Variants in ABR observed in about 807,000 individuals in gnomAD.
The protein encoded by ABR is ABR activator of RhoGEF and GTPase, also known as active breakpoint cluster region-related protein.
Under a neutral mutation model 107.2 loss-of-function variants are expected in ABR, and 35 were observed. The observed-to-expected ratio is 0.33, with a 90% CI of 0.25 to 0.43. The LOEUF (loss-of-function observed/expected upper bound fraction) is 0.43. Ranked by LOEUF, ABR falls within the 20% of genes least tolerant of loss-of-function variation. ABR has a pLI of 1.00. For missense variants in ABR, 815 were observed against 1,115.2 expected (o/e 0.73, Z 3.83); for synonymous variants, 498 against 462.0 (o/e 1.08, Z -1.00).
intron 16 of ABR, among the ~76,000 whole-genome samples, chr17:1,044,961 C>T (rs762260399): frequency 6.6e-6 from 1 of 152,146 alleles, no homozygotes; most frequent in Non-Finnish European, 1.5e-5. Context: ...AACAAAGTAT[C>T]CAAAAAGGTG....
rs2069909751 is a variant in ABR at position 1,004,899 on chromosome 17, G to A, written c.*1181C>T. 2.5e-6 allele frequency: 1 copy of A among 397,648 alleles called. No homozygotes were observed. 24.6% of individuals were successfully genotyped at this position (397,648 alleles called of 1,614,324 possible). A position where few individuals can be genotyped will look rare whatever the true frequency, so the allele number is the denominator to read the frequency against. On this transcript the variant is annotated 3_prime_UTR_variant, in exon 23 of 23. Coordinates refer to ENST00000302538, the MANE Select transcript of ABR (RefSeq NM_021962.5). The stretch of plus-strand genomic sequence containing the variant: ...GACCGTGGCAGTGCTTGGCTGTGGA[G>A]TGTGTGTAAAATCTAAGGCAAGAGT...
rs1334780092 is a variant in ABR, at chr17:1,106,526, TC to T, written c.247-5792del. Among the ~76,000 whole-genome samples, 41 of 93,864 alleles carry T rather than the reference TC, an allele frequency of 4.4e-4. No individual in the cohort carries two copies. In the South Asian group the frequency reaches 8.6e-3, roughly 20 times the overall value. The allele number at this position is 93,864 out of a possible 152,430, so 61.6% of individuals were successfully genotyped here. A position where few individuals can be genotyped will look rare whatever the true frequency, so the allele number is the denominator to read the frequency against. On this transcript the variant is annotated intron_variant, in intron 2 of 22. Coordinates refer to ENST00000302538, the MANE Select transcript of ABR (RefSeq NM_021962.5). ...CCTTTTATCAGTACTCTTCTCACAG[TC>T]TTTTTTTTTTTTTTTTTTTTGAGAC...
chr17:1,146,296 C>CACACACACACACAT (rs3219520), intron 1 of ABR, among the ~76,000 whole-genome samples: 13 of 146,690 alleles, frequency 8.9e-5, no homozygotes, highest in African/African-American at 2.8e-4. Flanking sequence ...CACACACACA[C>CACACACACACACAT]ATCACATCCT....
intron 1 of ABR, among the ~76,000 whole-genome samples, chr17:1,145,658 C>G (rs2040496826): frequency 6.6e-6 from 1 of 152,162 alleles, no homozygotes; most frequent in Admixed American, 6.5e-5. Flanking sequence ...TAGGAAGAGG[C>G]AATTCAGAGA....
rs2070439988 is a variant in ABR, at chr17:1,010,504, T to C, written c.2236+225A>G. The C allele has an allele frequency of 1.0e-5, 6 of 585,444 alleles. No individual in the cohort carries two copies. Among genetic ancestry groups the C allele is most frequent in the African/African-American group, 1.9e-5 (1 of 53,476 alleles). The allele number at this position is 585,444 out of a possible 1,614,324, so 36.3% of individuals were successfully genotyped here. A position where few individuals can be genotyped will look rare whatever the true frequency, so the allele number is the denominator to read the frequency against. The stretch of plus-strand genomic sequence containing the variant: ...AATAGGAAGCAGAAGGGGCTGCCCA[T>C]GGGGACATCAGGGGCAAGAGGCAGG... On this transcript the variant is annotated intron_variant, in intron 20 of 22. Coordinates refer to ENST00000302538, the MANE Select transcript of ABR (RefSeq NM_021962.5). The surrounding 1 kb of genome is among the most constrained non-coding windows in gnomAD (Gnocchi z 4.1).
chr17:1,217,916 A>G (rs1407896122), intron 1 of ABR, among the ~76,000 whole-genome samples: 3 of 152,106 alleles, frequency 2.0e-5, no homozygotes, highest in African/African-American at 7.2e-5. Flanking sequence ...GCTGGTCTTG[A>G]ACTCCTGACC....
chr17:1,012,455 C>T (rs1477954498), intron 18 of ABR: 3 of 695,206 alleles, frequency 4.3e-6, no homozygotes, highest in Admixed American at 2.0e-5. Flanking sequence ...AGCAGACGAT[C>T]TGGGATCTCA....
Position 1,148,168 on chromosome 17 carries a change from C to T in ABR, c.62-22801G>A, listed in dbSNP as rs987768799. Among the ~76,000 whole-genome samples the T allele has an allele frequency of 1.3e-5, 2 of 152,204 alleles. No homozygotes were observed. Among genetic ancestry groups the T allele is most frequent in the African/African-American group, 2.4e-5 (1 of 41,452 alleles). On this transcript the variant is annotated intron_variant, in intron 1 of 22. Transcript: ENST00000302538. This position sits in a 1 kb window ranked among gnomAD's most constrained non-coding sequence, Gnocchi z 4.9. ...CCCGCATTCCTAAGAGCATTATTGA[C>T]ACTTGCCAAAAAACAGAAACACCTC...
chr17:1,112,345 G>C (rs1489440340), intron 2 of ABR, among the ~76,000 whole-genome samples: 1 of 152,236 alleles, frequency 6.6e-6, no homozygotes, highest in Non-Finnish European at 1.5e-5. Context: ...CTGCCTGAGA[G>C]TGAAAGCTTC....
rs937940510 is a variant in ABR at position 1,027,741 on chromosome 17, G to C, written c.1792-14577C>G. ...GTCCCCTGTCTGTGGCTGAGGGGTC[G>C]CTATGGGGGTGTGTGTGAACAGAGA... On this transcript the variant is annotated intron_variant, in intron 16 of 22. Coordinates refer to ENST00000302538, the MANE Select transcript of ABR (RefSeq NM_021962.5). This position sits in a 1 kb window ranked among gnomAD's most constrained non-coding sequence, Gnocchi z 4.7. Among the ~76,000 whole-genome samples the C allele has an allele frequency of 6.6e-6, 1 of 152,010 alleles. No homozygotes were observed. The highest frequency in any genetic ancestry group is 1.5e-5 in the Non-Finnish European group (1 of 67,996).
intron 1 of ABR, among the ~76,000 whole-genome samples, chr17:1,223,168 C>T (rs903734376): frequency 6.6e-6 from 1 of 151,854 alleles, no homozygotes; most frequent in Non-Finnish European, 1.5e-5. Context: ...TGCCATTACA[C>T]ACCAGCCGGG....
chr17:1,117,855 T>C (rs367890509), intron 2 of ABR, among the ~76,000 whole-genome samples: 1 of 26,566 alleles, frequency 3.8e-5, no homozygotes, highest in African/African-American at 2.2e-4. Flanking sequence ...CCCAGCGTTA[T>C]TGCCTGAGCC....
At chr17:1,123,198 G>A (rs909251203) in intron 2 of ABR, among the ~76,000 whole-genome samples, 2 of 94,010 alleles carry the variant, frequency 2.1e-5, no homozygotes, top group African/African-American at 5.8e-5. Flanking sequence ...GGGAAGGCAG[G>A]TGCCGCGGAT....
At chr17:1,159,696 C>CGGTACTCACACACAGGAGAAGT (rs2041208801) in intron 1 of ABR, among the ~76,000 whole-genome samples, 1 of 68,500 alleles carries the variant, frequency 1.5e-5, no homozygotes, top group African/African-American at 7.8e-5. Context: ...ACAGGAGAAG[C>CGGTACTCACACACAGGAGAAGT]AGGAATGCGG....
chr17:1,056,204 C>T (rs980818516), intron 13 of ABR, 95 bp from the exon 14 acceptor site: 1 of 1,092,782 alleles, frequency 9.2e-7, no homozygotes, highest in Non-Finnish European at 1.4e-6. Context: ...GTATGAGACT[C>T]AGCTGAGTCT....
chr17:1,160,180 G>A (rs998645534), intron 1 of ABR, among the ~76,000 whole-genome samples: 36 of 152,042 alleles, frequency 2.4e-4, no homozygotes, highest in African/African-American at 8.7e-4. Context: ...CTTGAACCCA[G>A]GAGGTGGAGG....
intron 4 of ABR, among the ~76,000 whole-genome samples, chr17:1,087,080 G>A (rs1449877251): frequency 6.6e-6 from 1 of 152,206 alleles, no homozygotes; most frequent in Non-Finnish European, 1.5e-5. Flanking sequence ...ACCTTCATGT[G>A]TGACGCTGTA....
chr17:1,108,310 G>A (rs1223270092), intron 2 of ABR, among the ~76,000 whole-genome samples: 1 of 152,184 alleles, frequency 6.6e-6, no homozygotes, highest in Non-Finnish European at 1.5e-5. Flanking sequence ...GTTCCACCGG[G>A]AGCCAACCTC....
intron 1 of ABR, among the ~76,000 whole-genome samples, chr17:1,143,761 C>G (rs936863063): frequency 1.3e-5 from 2 of 152,136 alleles, no homozygotes; most frequent in Non-Finnish European, 2.9e-5. Flanking sequence ...GCTCCACAGC[C>G]TGAGACAAAG....
Sources: gnomAD v4.1 joint callset for allele counts (sites outside exome capture counted in the v4.1 genomes callset) on GRCh38, gnomAD v4.1.1 for gene constraint, Gnocchi (gnomAD v3.1) non-coding constraint, MANE v1.5 for transcripts, NCBI Gene and HGNC (gene_info 2026-07-23, HGNC 2026-07-21) for gene names.